Variants in TEC observed in about 807,000 individuals in gnomAD.
The protein encoded by TEC is tec protein tyrosine kinase.
Under a neutral mutation model 93.0 loss-of-function variants are expected in TEC, and 72 were observed. The observed-to-expected ratio is 0.77, with a 90% CI of 0.64 to 0.94. TEC has a LOEUF of 0.94. Among genes scored for constraint, TEC ranks in the 40% least tolerant of loss-of-function variants. The pLI is 0.00. For synonymous variants in TEC, 249 were observed against 247.7 expected (o/e 1.01, Z -0.05); for missense variants, 630 against 757.9 (o/e 0.83, Z 1.98).
chr4:48,221,625 G>A (rs781735675), intron 2 of TEC, among the ~76,000 whole-genome samples: 2 of 152,126 alleles, frequency 1.3e-5, no homozygotes, highest in Non-Finnish European at 2.9e-5. Flanking sequence ...TAATCTGGAA[G>A]CGCTATGAAC....
At chr4:48,154,773 T>C (rs1385096926) in intron 9 of TEC, among the ~76,000 whole-genome samples, 1 of 151,976 alleles carries the variant, frequency 6.6e-6, no homozygotes, top group Non-Finnish European at 1.5e-5. Flanking sequence ...ATGAATAAAA[T>C]GGAAATTTAT....
intron 2 of TEC, among the ~76,000 whole-genome samples, chr4:48,212,836 G>A (rs563488815): frequency 6.6e-6 from 1 of 152,302 alleles, no homozygotes; most frequent in African/African-American, 2.4e-5. Context: ...TGAACCCACA[G>A]AGGTAGAACT....
intron 2 of TEC, among the ~76,000 whole-genome samples, chr4:48,225,676 A>G (rs1473721727): frequency 6.6e-6 from 1 of 152,058 alleles, no homozygotes; most frequent in Admixed American, 6.6e-5. Flanking sequence ...TGTTATTTTA[A>G]GAAGCCAGAT....
At chr4:48,243,776 T>C (rs1050467371) in intron 1 of TEC, among the ~76,000 whole-genome samples, 1 of 152,000 alleles carries the variant, frequency 6.6e-6, no homozygotes, top group Admixed American at 6.6e-5. Flanking sequence ...ATGAGAACAG[T>C]TGGACACAGG....
rs1212203991 is a variant in TEC, at chr4:48,208,520, C to T, written c.138+19957G>A. On this transcript the variant is annotated intron_variant, in intron 2 of 17. Transcript: ENST00000381501. The stretch of plus-strand genomic sequence containing the variant: ...GCCTCCTCCCCTCCCATGCCCACCC[C>T]ATTCCACCTCAGTTCCTTTCCCTCT... Among the ~76,000 whole-genome samples, 3 of 152,276 alleles carry T rather than the reference C, an allele frequency of 2.0e-5. No homozygotes were observed. In the South Asian group the frequency reaches 6.2e-4, roughly 32 times the overall value.
At chr4:48,209,569 C>T (rs1422530181) in intron 2 of TEC, among the ~76,000 whole-genome samples, 2 of 152,078 alleles carry the variant, frequency 1.3e-5, no homozygotes, top group Non-Finnish European at 2.9e-5. Flanking sequence ...GTTGTGAACA[C>T]ACCAATACAC....
Position 48,171,467 on chromosome 4 carries a change from A to C in TEC, c.244-18T>G, listed in dbSNP as rs751777989. Reference sequence around the variant, plus strand: ...TGAACAACCTAAAATAAAACAAAAGATGGAATTGGTGAAGAGGACTTAGAC... The same window carrying C: ...TGAACAACCTAAAATAAAACAAAAGCTGGAATTGGTGAAGAGGACTTAGAC... On this transcript the variant is annotated intron_variant, in intron 3 of 17. Coordinates refer to ENST00000381501, the MANE Select transcript of TEC (RefSeq NM_003215.3). 7 of 1,609,770 alleles carry C rather than the reference A, an allele frequency of 4.3e-6. No homozygotes were observed. The highest frequency in any genetic ancestry group is 5.9e-6 in the Non-Finnish European group (7 of 1,177,172).
intron 1 of TEC, among the ~76,000 whole-genome samples, chr4:48,268,765 A>G (rs1179633012): frequency 6.6e-6 from 1 of 152,240 alleles, no homozygotes; most frequent in African/African-American, 2.4e-5. Context: ...TACAAGGAAT[A>G]CGCGCAAAAC....
At position 48,170,907 on chromosome 4, in the gene TEC, C is replaced by G. The variant is rs537702053; in HGVS notation, c.325+461G>C. On this transcript the variant is annotated intron_variant, in intron 4 of 17. Transcript: ENST00000381501. ...CCCTACTAAAAATACAAAAATTAGC[C>G]GGGCATGGTGGTGGGTGCCTGTAAT... Among the ~76,000 whole-genome samples the G allele has an allele frequency of 2.0e-5, 3 of 151,912 alleles. 1 individual carries two copies. The highest frequency in any genetic ancestry group is 7.2e-5 in the African/African-American group (3 of 41,390).
Position 48,167,895 on chromosome 4 carries a change from A to G in TEC, c.554T>C (p.Val185Ala). ...TGCTGCTTGGAAATCATACATGGCTACAACGATTTCTTCACTATTATCTTC... is the reference window on the plus strand; with the variant it reads ...TGCTGCTTGGAAATCATACATGGCTGCAACGATTTCTTCACTATTATCTTC... ...EEEDNSEEIVVAMYDFQAAEG... is the reference protein window; with the variant it reads ...EEEDNSEEIVAAMYDFQAAEG... Residue 185 changes from valine to alanine, a missense_variant, in exon 7 of 18, where the codon GTA (valine) becomes GCA (alanine). Coordinates refer to ENST00000381501, the MANE Select transcript of TEC (RefSeq NM_003215.3). 2 of 1,613,872 alleles carry G rather than the reference A, an allele frequency of 1.2e-6. No homozygotes were observed. Among genetic ancestry groups the G allele is most frequent in the African/African-American group, 1.3e-5 (1 of 74,984 alleles).
chr4:48,184,061 T>C (rs1315179558), intron 2 of TEC, among the ~76,000 whole-genome samples: 1 of 152,234 alleles, frequency 6.6e-6, no homozygotes, highest in African/African-American at 2.4e-5. Flanking sequence ...AATATTATCA[T>C]GTCCATAGCT....
chr4:48,265,341 G>A (rs1209574069), intron 1 of TEC, among the ~76,000 whole-genome samples: 1 of 149,592 alleles, frequency 6.7e-6, no homozygotes, highest in African/African-American at 2.5e-5. Flanking sequence ...CACAGACACA[G>A]AAAATAGAGG....
intron 1 of TEC, among the ~76,000 whole-genome samples, chr4:48,266,878 G>T (rs1359575120): frequency 6.6e-6 from 1 of 151,694 alleles, no homozygotes; most frequent in Non-Finnish European, 1.5e-5. Context: ...GCTTGGCTTA[G>T]CTGTGAATTT....
intron 2 of TEC, among the ~76,000 whole-genome samples, chr4:48,213,236 C>T (rs1217228231): frequency 6.6e-6 from 1 of 152,174 alleles, no homozygotes; most frequent in Non-Finnish European, 1.5e-5. Context: ...TTTGCAATTT[C>T]ACCTCAGTCT....
chr4:48,213,732 C>T (rs1404185386), intron 2 of TEC, among the ~76,000 whole-genome samples: 1 of 152,186 alleles, frequency 6.6e-6, no homozygotes, highest in Non-Finnish European at 1.5e-5. Flanking sequence ...ATAATGTCCA[C>T]ATCTAGTTTG....
chr4:48,212,927 C>T (rs768730355), intron 2 of TEC, among the ~76,000 whole-genome samples: 10 of 152,216 alleles, frequency 6.6e-5, no homozygotes, highest in East Asian at 1.9e-4. Flanking sequence ...TGGGTACACA[C>T]TCACTAAATC....
At chr4:48,243,970 A>AG (rs1407557289) in intron 1 of TEC, among the ~76,000 whole-genome samples, 3 of 151,406 alleles carry the variant, frequency 2.0e-5, no homozygotes, top group African/African-American at 7.3e-5. Context: ...GTATAATTAA[A>AG]AAAAAAAAAA....
chr4:48,265,420 T>C (rs1296755264), intron 1 of TEC, among the ~76,000 whole-genome samples: 7 of 137,872 alleles, frequency 5.1e-5, no homozygotes, highest in African/African-American at 1.6e-4. Flanking sequence ...TACACACACA[T>C]ATATATACAC....
intron 1 of TEC, among the ~76,000 whole-genome samples, chr4:48,257,623 AT>A (rs1303088774): frequency 6.6e-6 from 1 of 152,222 alleles, no homozygotes; most frequent in Non-Finnish European, 1.5e-5. Context: ...TGCCTGGAGG[AT>A]TAAACCTGAT....
Sources: allele counts gnomAD v4.1 joint callset (sites outside exome capture counted in the v4.1 genomes callset), GRCh38; gene constraint gnomAD v4.1.1; transcripts MANE v1.5; gene names NCBI Gene and HGNC (gene_info 2026-07-23, HGNC 2026-07-21).